NFYC: variants seen among roughly 807,000 people sequenced by gnomAD.
The protein encoded by NFYC is CAAT box DNA-binding protein subunit C.
Under a neutral mutation model 53.1 loss-of-function variants are expected in NFYC, and 25 were observed. The observed-to-expected ratio is 0.47, with a 90% CI of 0.34 to 0.66. NFYC has a LOEUF of 0.66. NFYC is among the 30% of genes least tolerant of loss of function. The pLI is 0.01. For synonymous variants in NFYC, 145 were observed against 152.6 expected, an observed-to-expected ratio of 0.95 and a Z score of 0.37; for missense variants, 260 against 422.7, an observed-to-expected ratio of 0.62 and a Z score of 3.38.
chr1:40,746,270 C>G (rs1019804732), intron 2 of NFYC, among the ~76,000 whole-genome samples: 2 of 152,034 alleles, frequency 1.3e-5, no homozygotes, highest in Admixed American at 1.3e-4. Flanking sequence ...GTTTGTAGAG[C>G]AGAGTGGTAG....
rs1647073875 is a variant in NFYC, at chr1:40,771,364, CTG to C, written c.*540_*541del. 1 of 463,278 alleles carries C rather than the reference CTG, an allele frequency of 2.2e-6. No homozygotes were observed. The highest frequency in any genetic ancestry group is 4.5e-6 in the Non-Finnish European group (1 of 223,036). The allele number at this position is 463,278 out of a possible 1,614,324, so 28.7% of individuals were successfully genotyped here. On this transcript the variant is annotated 3_prime_UTR_variant, in exon 10 of 10. Coordinates refer to ENST00000447388, the MANE Select transcript of NFYC (RefSeq NM_014223.5). ...CATCCCTTGCTCTGACCCCAGAGCT[CTG>C]TGTATTTGCATCCAGAGGCCATGGA...
chr1:40,691,959 A>C, intron 1 of NFYC, 92 bp downstream of exon 1: 3 of 313,466 alleles, frequency 9.6e-6, no homozygotes, highest in South Asian at 6.8e-5. Context: ...CAGAGACCTC[A>C]CTTCCTCGCG....
chr1:40,767,374 T>C (rs1055182161), intron 8 of NFYC: 1 of 250,990 alleles, frequency 4.0e-6, no homozygotes, highest in Non-Finnish European at 7.9e-6. Flanking sequence ...TTTCTGGTGA[T>C]GTATCTATTG....
chr1:40,733,269 G>T (rs772709507), intron 1 of NFYC, among the ~76,000 whole-genome samples: 2 of 151,942 alleles, frequency 1.3e-5, no homozygotes, highest in Admixed American at 6.5e-5. Flanking sequence ...GAGAGGTGCA[G>T]ATCGGGCCTC....
intron 1 of NFYC, among the ~76,000 whole-genome samples, chr1:40,722,816 T>C (rs1247107031): frequency 6.6e-6 from 1 of 152,210 alleles, no homozygotes; most frequent in Non-Finnish European, 1.5e-5. Context: ...CCTCGTGCTT[T>C]AGTGCCCCCA....
At chr1:40,711,916 C>T (rs1643940894) in intron 1 of NFYC, among the ~76,000 whole-genome samples, 1 of 152,196 alleles carries the variant, frequency 6.6e-6, no homozygotes, top group Admixed American at 6.5e-5. Context: ...AAGCCCCACT[C>T]ACCTTTATCA....
rs778628973 is a variant in NFYC, at chr1:40,770,164, C to T, written c.889-545C>T. ...GTGGCTGTGTGAGTATCTTCTCCACCCCTGGAGCGTCTTGGCTATAGTTAA... is the reference window on the plus strand; with the variant it reads ...GTGGCTGTGTGAGTATCTTCTCCACTCCTGGAGCGTCTTGGCTATAGTTAA... On this transcript the variant is annotated intron_variant, in intron 9 of 9. Transcript: ENST00000447388. This position sits in a 1 kb window ranked among gnomAD's most constrained non-coding sequence, Gnocchi z 5.3. 1.3e-5 allele frequency among the ~76,000 whole-genome samples: 2 copies of T among 152,160 alleles called. No individual in the cohort carries two copies. The highest frequency in any genetic ancestry group is 2.4e-5 in the African/African-American group (1 of 41,430).
intron 1 of NFYC, chr1:40,712,298 C>G (rs1643953936): frequency 6.6e-6 from 1 of 152,168 alleles, no homozygotes; most frequent in Admixed American, 6.5e-5. Flanking sequence ...CTTTACTCAT[C>G]AAGATCCTTG....
intron 1 of NFYC, among the ~76,000 whole-genome samples, chr1:40,697,628 T>G (rs1240899412): frequency 6.6e-6 from 1 of 152,234 alleles, no homozygotes; most frequent in Non-Finnish European, 1.5e-5. Context: ...GAGATTTCCA[T>G]TATAGTCATT....
chr1:40,737,899 CTCTTTT>C (rs1470506002), intron 1 of NFYC, among the ~76,000 whole-genome samples: 1 of 129,142 alleles, frequency 7.7e-6, no homozygotes, highest in Non-Finnish European at 1.6e-5. Context: ...CGTGCTCTCT[CTCTTTT>C]TTTTTTTTTT....
intron 5 of NFYC, among the ~76,000 whole-genome samples, chr1:40,756,125 G>T (rs1557893976): frequency 6.6e-6 from 1 of 152,112 alleles, no homozygotes; most frequent in African/African-American, 2.4e-5. Flanking sequence ...AAATAATAAG[G>T]GAGATCTCAG....
At chr1:40,710,341 G>A (rs953307344) in intron 1 of NFYC, among the ~76,000 whole-genome samples, 2 of 152,044 alleles carry the variant, frequency 1.3e-5, no homozygotes, top group Non-Finnish European at 2.9e-5. Context: ...CCATTTTTCC[G>A]TATTAAATAT....
chr1:40,720,919 A>G (rs1644306116), intron 1 of NFYC, among the ~76,000 whole-genome samples: 1 of 152,170 alleles, frequency 6.6e-6, no homozygotes, highest in South Asian at 2.1e-4. Context: ...TTGTTCATTC[A>G]GTAGATGTGT....
At chr1:40,715,959 G>A (rs1027691467) in intron 1 of NFYC, among the ~76,000 whole-genome samples, 4 of 152,168 alleles carry the variant, frequency 2.6e-5, no homozygotes, top group African/African-American at 9.7e-5. Flanking sequence ...AAGTACTACC[G>A]TTTTGGTCTG....
intron 8 of NFYC, among the ~76,000 whole-genome samples, chr1:40,768,005 T>G (rs971361798): frequency 5.9e-5 from 9 of 152,044 alleles, no homozygotes; most frequent in Non-Finnish European, 1.5e-5. Flanking sequence ...AAGTCCGTTT[T>G]GGGAACAGAA....
chr1:40,730,270 G>T (rs1331106854), intron 1 of NFYC, among the ~76,000 whole-genome samples: 1 of 146,910 alleles, frequency 6.8e-6, no homozygotes, highest in Non-Finnish European at 1.5e-5. Flanking sequence ...CGAACTCCTG[G>T]ATTCATGCAG....
intron 2 of NFYC, among the ~76,000 whole-genome samples, chr1:40,743,024 T>G (rs1645432360): frequency 6.6e-6 from 1 of 152,138 alleles, no homozygotes; most frequent in Admixed American, 6.5e-5. Flanking sequence ...AAAAAATTCC[T>G]TATGTTTAAA....
intron 2 of NFYC, 152 bp from the exon 3 acceptor site, chr1:40,747,382 G>A: frequency 1.8e-6 from 1 of 559,542 alleles, no homozygotes; most frequent in Non-Finnish European, 3.2e-6. Context: ...TTGCTCTGGA[G>A]CTTGTATTTT....
intron 1 of NFYC, among the ~76,000 whole-genome samples, chr1:40,731,012 A>G (rs1374632117): frequency 6.6e-6 from 1 of 152,072 alleles, no homozygotes; most frequent in Non-Finnish European, 1.5e-5. Context: ...TTGCATCCCG[A>G]ATATGTGCAT....
Sources: gnomAD v4.1 joint callset for allele counts (sites outside exome capture counted in the v4.1 genomes callset) on GRCh38, gnomAD v4.1.1 for gene constraint, Gnocchi (gnomAD v3.1) non-coding constraint, MANE v1.5 for transcripts, NCBI Gene and HGNC (gene_info 2026-07-23, HGNC 2026-07-21) for gene names.